SCFD2: variants seen among roughly 807,000 people sequenced by gnomAD.
SCFD2 encodes the protein sec1 family domain containing 2.
Under a neutral mutation model 58.9 loss-of-function variants are expected in SCFD2, and 54 were observed. The observed-to-expected ratio is 0.92, with a 90% CI of 0.74 to 1.15. The LOEUF (loss-of-function observed/expected upper bound fraction) is 1.15. Among genes scored for constraint, SCFD2 ranks in the 50% most tolerant of loss-of-function variants. SCFD2 has a pLI of 0.00. For missense variants in SCFD2, 805 were observed against 836.6 expected (o/e 0.96, Z 0.47); for synonymous variants, 321 against 335.9 (o/e 0.96, Z 0.49).
intron 5 of SCFD2, among the ~76,000 whole-genome samples, chr4:52,977,184 A>G (rs1486241820): frequency 6.6e-6 from 1 of 152,200 alleles, no homozygotes; most frequent in African/African-American, 2.4e-5. Context: ...GAGAATATTA[A>G]GAAGTTGTAC....
chr4:53,076,623 A>T (rs749280554), intron 5 of SCFD2, among the ~76,000 whole-genome samples: 9 of 152,228 alleles, frequency 5.9e-5, no homozygotes, highest in Non-Finnish European at 1.3e-4. Flanking sequence ...CGGACCAATC[A>T]GTGGCAAAAG....
At chr4:53,361,609 C>A (rs192588280) in intron 1 of SCFD2, among the ~76,000 whole-genome samples, 852 of 152,292 alleles carry the variant, frequency 5.6e-3, no homozygotes, top group Non-Finnish European at 9.5e-3. Context: ...GTTGCCCAGG[C>A]TGTTCTTGAA....
chr4:52,907,664 G>T, intron 6 of SCFD2, 73 bp from the exon 7 acceptor site: 1 of 1,470,410 alleles, frequency 6.8e-7, no homozygotes, highest in Non-Finnish European at 9.5e-7. Context: ...TATCTGCAAT[G>T]AAGAAAGCAA....
At chr4:52,888,173 C>G (rs1461755829) in intron 7 of SCFD2, among the ~76,000 whole-genome samples, 1 of 152,126 alleles carries the variant, frequency 6.6e-6, no homozygotes, top group Non-Finnish European at 1.5e-5. Context: ...GCCTCCCAAT[C>G]AACATCTTAT....
rs544338590 is a variant in SCFD2 at position 52,889,869 on chromosome 4, T to C, written c.1843-4003A>G. On this transcript the variant is annotated intron_variant, in intron 7 of 8. Coordinates refer to ENST00000401642, the MANE Select transcript of SCFD2 (RefSeq NM_152540.4). ...ACTCAACCATACACCTTGGGGATTT[T>C]CCATATCAGTAAGAAAAGCCTGTAA... Among the ~76,000 whole-genome samples the C allele has an allele frequency of 3.3e-3, 496 of 152,320 alleles. 3 individuals carry two copies. The highest frequency in any genetic ancestry group is 0.011 in the African/African-American group (475 of 41,560).
intron 4 of SCFD2, among the ~76,000 whole-genome samples, chr4:53,210,006 A>T (rs902731874): frequency 6.6e-6 from 1 of 152,136 alleles, no homozygotes; most frequent in Non-Finnish European, 1.5e-5. Context: ...CAATTAACCA[A>T]TCATCTTCTG....
chr4:53,040,566 G>A (rs1722872894), intron 5 of SCFD2, among the ~76,000 whole-genome samples: 1 of 152,112 alleles, frequency 6.6e-6, no homozygotes, highest in Non-Finnish European at 1.5e-5. Flanking sequence ...ACCTAGCCAT[G>A]TTTAATGTAG....
At chr4:53,124,494 T>C (rs1171962732) in intron 5 of SCFD2, among the ~76,000 whole-genome samples, 7 of 152,170 alleles carry the variant, frequency 4.6e-5, no homozygotes, top group Non-Finnish European at 8.8e-5. Context: ...CAATTCTAGA[T>C]GAACAAAGTG....
At chr4:52,874,096 A>G (rs758490660) in intron 8 of SCFD2, 35 bp from the exon 9 acceptor site, 1 of 1,384,520 alleles carries the variant, frequency 7.2e-7, no homozygotes, top group South Asian at 1.2e-5. Flanking sequence ...ACCGCAGGGA[A>G]TTAGGGGGGC....
At chr4:52,934,872 G>A (rs1042557831) in intron 5 of SCFD2, among the ~76,000 whole-genome samples, 1 of 152,152 alleles carries the variant, frequency 6.6e-6, no homozygotes, top group Admixed American at 6.5e-5. Flanking sequence ...TAGATTAAGC[G>A]ACAAGAGTTG....
At chr4:53,163,043 G>A (rs1726901557) in intron 4 of SCFD2, among the ~76,000 whole-genome samples, 1 of 152,002 alleles carries the variant, frequency 6.6e-6, no homozygotes, top group African/African-American at 2.4e-5. Context: ...AATTCTATTG[G>A]GTAACAAAGC....
chr4:52,908,969 C>T (rs757094147), intron 6 of SCFD2, among the ~76,000 whole-genome samples: 1 of 152,112 alleles, frequency 6.6e-6, no homozygotes, highest in Non-Finnish European at 1.5e-5. Context: ...TATGGATCCA[C>T]CTTGCTCATA....
At chr4:53,264,118 C>G (rs1337582002) in intron 4 of SCFD2, among the ~76,000 whole-genome samples, 1 of 152,162 alleles carries the variant, frequency 6.6e-6, no homozygotes, top group Admixed American at 6.5e-5. Flanking sequence ...CCCATGTAGA[C>G]TACAGTCCTA....
intron 4 of SCFD2, among the ~76,000 whole-genome samples, chr4:53,162,109 C>T (rs1446844260): frequency 1.3e-5 from 2 of 152,226 alleles, no homozygotes; most frequent in East Asian, 3.9e-4. Flanking sequence ...ACAAATATTT[C>T]ACAGAATGTA....
intron 4 of SCFD2, among the ~76,000 whole-genome samples, chr4:53,251,632 C>A (rs1186362982): frequency 6.6e-6 from 1 of 152,006 alleles, no homozygotes; most frequent in Non-Finnish European, 1.5e-5. Flanking sequence ...AAGAAAAAAA[C>A]CACATGATTA....
intron 4 of SCFD2, among the ~76,000 whole-genome samples, chr4:53,180,119 A>G (rs1464403631): frequency 6.6e-6 from 1 of 152,240 alleles, no homozygotes; most frequent in Non-Finnish European, 1.5e-5. Flanking sequence ...AAGGATACCC[A>G]GGAATTGAAC....
At chr4:52,984,458 C>G (rs1163461599) in intron 5 of SCFD2, among the ~76,000 whole-genome samples, 2 of 152,154 alleles carry the variant, frequency 1.3e-5, no homozygotes, top group Non-Finnish European at 2.9e-5. Context: ...ATCAGGGAAA[C>G]AAAAGAGTCA....
intron 5 of SCFD2, among the ~76,000 whole-genome samples, chr4:52,960,398 C>T (rs1195170414): frequency 6.8e-6 from 1 of 147,472 alleles, no homozygotes; most frequent in African/African-American, 2.5e-5. Context: ...GACAGAGTTT[C>T]GCTCTTGTTG....
chr4:52,975,129 A>C (rs1721216335), intron 5 of SCFD2, among the ~76,000 whole-genome samples: 1 of 152,314 alleles, frequency 6.6e-6, no homozygotes, highest in Middle Eastern at 3.4e-3. Context: ...TCATGTCTAA[A>C]ACACCAAAAG....
Sources: allele counts gnomAD v4.1 joint callset (sites outside exome capture counted in the v4.1 genomes callset), GRCh38; gene constraint gnomAD v4.1.1; transcripts MANE v1.5; gene names NCBI Gene and HGNC (gene_info 2026-07-23, HGNC 2026-07-21).